Variants in HK1 observed in about 807,000 individuals in gnomAD.
HK1 encodes hexokinase 1, also known as hexokinase-1.
Under a neutral mutation model 91.6 loss-of-function variants are expected in HK1, and 28 were observed. The observed-to-expected ratio is 0.31, with a 90% confidence interval of 0.23 to 0.42. HK1 has a LOEUF of 0.42. HK1 is among the 10% of genes least tolerant of loss of function. HK1 has a pLI of 1.00. For synonymous variants in HK1, 430 were observed against 468.1 expected (o/e 0.92, Z 1.05); for missense variants, 770 against 1,219.8 (o/e 0.63, Z 5.49).
At chr10:69,349,068 A>G (rs1848710095) in intron 2 of HK1, among the ~76,000 whole-genome samples, 1 of 152,210 alleles carries the variant, frequency 6.6e-6, no homozygotes, top group Non-Finnish European at 1.5e-5. Context: ...ATGTGAGGAA[A>G]GGTCACAGGC....
chr10:69,287,761 A>G (rs753253085), intron 2 of HK1, among the ~76,000 whole-genome samples: 6 of 152,200 alleles, frequency 3.9e-5, no homozygotes, highest in Non-Finnish European at 7.3e-5. Context: ...TATGTGAGTT[A>G]TAGCTCATTT....
chr10:69,395,238 C>T (rs1359771705), intron 16 of HK1, 133 bp downstream of exon 16: 3 of 758,150 alleles, frequency 4.0e-6, no homozygotes. Flanking sequence ...TCTGGAATAG[C>T]AGACCCTGGG....
chr10:69,337,264 G>A (rs556456432), intron 1 of HK1, among the ~76,000 whole-genome samples: 100 of 152,252 alleles, frequency 6.6e-4, no homozygotes, highest in African/African-American at 2.3e-3. Flanking sequence ...GAGGTTACGA[G>A]CCCTGGAATC....
intron 1 of HK1, chr10:69,271,234 G>C (rs1359456052): frequency 1.3e-5 from 2 of 152,080 alleles, no homozygotes; most frequent in African/African-American, 4.8e-5. Flanking sequence ...CTTTGTGCAC[G>C]TGTATGTGTG....
intron 1 of HK1, among the ~76,000 whole-genome samples, chr10:69,333,286 A>G (rs1301706837): frequency 6.6e-6 from 1 of 152,230 alleles, no homozygotes; most frequent in East Asian, 1.9e-4. Flanking sequence ...CAGTGAAAGT[A>G]AACCTGTCTG....
chr10:69,299,253 GC>G (rs35080013), intron 4 of HK1, among the ~76,000 whole-genome samples: 21,207 of 151,500 alleles, frequency 0.14, 1,946 homozygotes, highest in Admixed American at 0.24. Flanking sequence ...GCTCACTGCA[GC>G]CTCCACCCCG....
At chr10:69,397,123 G>A (rs1286081774) in intron 16 of HK1, among the ~76,000 whole-genome samples, 3 of 152,178 alleles carry the variant, frequency 2.0e-5, no homozygotes, top group African/African-American at 7.2e-5. Context: ...GTGAACACGG[G>A]TGACCAGTAT....
At chr10:69,317,761 A>G (rs533794191), upstream of HK1, among the ~76,000 whole-genome samples, 51 of 152,316 alleles carry the variant, frequency 3.3e-4, no homozygotes, top group African/African-American at 1.2e-3. Flanking sequence ...CTGAGCTTCA[A>G]TTTCCTTACC....
rs1840377134 is a variant in HK1 at position 69,401,239 on chromosome 10, C to T, written c.*104C>T. The T allele has an allele frequency of 2.1e-6, 3 of 1,401,640 alleles. No individual in the cohort carries two copies. The highest frequency in any genetic ancestry group is 2.0e-6 in the Non-Finnish European group (2 of 1,021,804). The allele number at this position is 1,401,640 out of a possible 1,614,324, so 86.8% of individuals were successfully genotyped here. On this transcript the variant is annotated 3_prime_UTR_variant, in exon 18 of 18. Transcript: ENST00000359426. ...CGCTGGGAGACGCTGGCGCCAGGGCCTGCCGGCGCGGGGAGGAAAGCAAAA... is the reference window on the plus strand; with the variant it reads ...CGCTGGGAGACGCTGGCGCCAGGGCTTGCCGGCGCGGGGAGGAAAGCAAAA...
intron 1 of HK1, chr10:69,270,971 C>T (rs1443828875): frequency 1.3e-5 from 2 of 152,222 alleles, no homozygotes; most frequent in African/African-American, 2.4e-5. Context: ...CTCCATTCTT[C>T]TTCCTCACCC....
intron 7 of HK1, among the ~76,000 whole-genome samples, chr10:69,374,403 C>A (rs1033750540): frequency 6.6e-6 from 1 of 152,190 alleles, no homozygotes; most frequent in Non-Finnish European, 1.5e-5. Flanking sequence ...TGTCTGTGGT[C>A]GTAGGTGTCT....
chr10:69,338,851 G>A (rs1468904559), intron 1 of HK1, among the ~76,000 whole-genome samples: 2 of 152,054 alleles, frequency 1.3e-5, no homozygotes, highest in African/African-American at 4.8e-5. Context: ...GCTGTGGAGA[G>A]GAGGACAGAA....
intron 17 of HK1, 36 bp from the exon 18 acceptor site, chr10:69,400,955 T>TC: frequency 6.2e-7 from 1 of 1,613,798 alleles, no homozygotes; most frequent in Non-Finnish European, 8.5e-7. Flanking sequence ...TCTCTCATCT[T>TC]CCTCCAACTA....
At chr10:69,274,230 G>A (rs1394093286) in intron 1 of HK1, among the ~76,000 whole-genome samples, 1 of 152,054 alleles carries the variant, frequency 6.6e-6, no homozygotes, top group Non-Finnish European at 1.5e-5. Context: ...GACCACTTGA[G>A]CTCAGGAGTT....
rs767786635 is a variant in HK1, at chr10:69,384,499, TA to T, written c.1719+19del. ...GGGAAGAGGTGAGATTACAAAACCA[TA>T]GTGCATGTGCACTGCACACACGGCC... is the stretch of plus-strand genomic sequence containing the variant. On this transcript the variant is annotated intron_variant, in intron 11 of 17. Coordinates refer to ENST00000359426, the MANE Select transcript of HK1 (RefSeq NM_000188.3). The T allele has an allele frequency of 2.9e-5, 47 of 1,614,174 alleles. No individual in the cohort carries two copies. The highest frequency in any genetic ancestry group is 3.6e-5 in the Non-Finnish European group (42 of 1,179,978).
intron 1 of HK1, among the ~76,000 whole-genome samples, chr10:69,330,015 AC>A (rs71893748): frequency 0.17 from 25,843 of 148,938 alleles, 2,454 homozygotes; most frequent in African/African-American, 0.27. Context: ...TTAAAAGAGG[AC>A]CCCCCAGGAG....
chr10:69,370,666 C>T (rs1156546046), intron 7 of HK1, among the ~76,000 whole-genome samples: 1 of 152,136 alleles, frequency 6.6e-6, no homozygotes, highest in Admixed American at 6.6e-5. Flanking sequence ...ATGCAAATAT[C>T]TGTTGTGCAG....
chr10:69,292,046 G>A (rs1186578780), intron 3 of HK1, among the ~76,000 whole-genome samples: 3 of 152,044 alleles, frequency 2.0e-5, no homozygotes, highest in Admixed American at 6.6e-5. Context: ...TTTTGCTTCC[G>A]TAGTTTTCCT....
At chr10:69,363,324 G>A (rs1177838532) in intron 3 of HK1, among the ~76,000 whole-genome samples, 4 of 152,176 alleles carry the variant, frequency 2.6e-5, no homozygotes, top group African/African-American at 9.7e-5. Context: ...AAGAAGGGAG[G>A]TTCTTAGTTC....
Sources: allele counts gnomAD v4.1 joint callset (sites outside exome capture counted in the v4.1 genomes callset), GRCh38; gene constraint gnomAD v4.1.1; transcripts MANE v1.5; gene names NCBI Gene and HGNC (gene_info 2026-07-23, HGNC 2026-07-21).